Variants in SRBD1 observed in about 807,000 individuals in gnomAD.
SRBD1 encodes S1 RNA-binding domain-containing protein 1.
In SRBD1, 88 loss-of-function variants were observed where a neutral mutation model predicts 115.3. The observed-to-expected ratio is 0.76, with a 90% CI of 0.64 to 0.91. The LOEUF is 0.91. SRBD1 is among the 40% of genes least tolerant of loss of function. The probability of loss-of-function intolerance (pLI) is 0.00; values close to 1 mark genes in which losing one functional copy is unlikely to be tolerated. For missense variants in SRBD1, 1,385 were observed against 1,177.4 expected (o/e 1.18, Z -2.58); for synonymous variants, 509 against 407.7 (o/e 1.25, Z -2.99).
chr2:45,395,357 C>T (rs1210991418), intron 19 of SRBD1, among the ~76,000 whole-genome samples: 2 of 152,126 alleles, frequency 1.3e-5, no homozygotes, highest in Non-Finnish European at 2.9e-5. Flanking sequence ...GTTGCTTGCA[C>T]ATGTGTATGT....
In SRBD1 at chr2:45,573,187, C is replaced by T. The variant is rs747264125; in HGVS notation, c.1305+20G>A. 2.5e-6 allele frequency: 4 copies of T among 1,583,510 alleles called. No homozygotes were observed. In the Admixed American group the frequency reaches 5.5e-5, roughly 22 times the overall value. Reference sequence around the variant, plus strand: ...ATCATTATTACGAAATCAGCATGCACATGCAGTTTCTTTATTTACCTGATG... The same window carrying T: ...ATCATTATTACGAAATCAGCATGCATATGCAGTTTCTTTATTTACCTGATG... On this transcript the variant is annotated intron_variant, in intron 9 of 20. Transcript: ENST00000263736.
chr2:45,543,476 G>A (rs963138689), intron 14 of SRBD1, among the ~76,000 whole-genome samples: 8 of 152,208 alleles, frequency 5.3e-5, no homozygotes, highest in African/African-American at 1.9e-4. Context: ...GGTAGATATG[G>A]CTGGAAAAGG....
At chr2:45,408,692 G>T (rs1667506947) in intron 19 of SRBD1, among the ~76,000 whole-genome samples, 1 of 152,102 alleles carries the variant, frequency 6.6e-6, no homozygotes, top group Admixed American at 6.6e-5. Context: ...AGACTTTTAA[G>T]CCCTTTGGTA....
rs958318638 is a variant in SRBD1, at chr2:45,451,396, A to G, written c.2049+25597T>C. On this transcript the variant is annotated intron_variant, in intron 16 of 20. Transcript: ENST00000263736. ...ACCAAAGGTAATAAAAATACTGTGCATTAATATTGCACCTTTCTTCCAAGA... is the reference window on the plus strand; with the variant it reads ...ACCAAAGGTAATAAAAATACTGTGCGTTAATATTGCACCTTTCTTCCAAGA... 1.2e-4 allele frequency among the ~76,000 whole-genome samples: 18 copies of G among 152,096 alleles called. 1 individual carries two copies. The highest frequency in any genetic ancestry group is 2.2e-4 in the Non-Finnish European group (15 of 67,968).
intron 4 of SRBD1, among the ~76,000 whole-genome samples, chr2:45,590,594 G>A (rs1673689835): frequency 6.6e-6 from 1 of 152,162 alleles, no homozygotes; most frequent in African/African-American, 2.4e-5. Context: ...GGTTTTGTAA[G>A]TGTCTGGCAT....
chr2:45,554,123 A>G (rs758932908), intron 10 of SRBD1, among the ~76,000 whole-genome samples: 3 of 152,146 alleles, frequency 2.0e-5, no homozygotes, highest in Non-Finnish European at 4.4e-5. Flanking sequence ...GGGGATAATC[A>G]GGTTTAGATG....
intron 14 of SRBD1, among the ~76,000 whole-genome samples, chr2:45,506,276 G>C (rs1201148495): frequency 6.6e-6 from 1 of 152,028 alleles, no homozygotes; most frequent in African/African-American, 2.4e-5. Context: ...TTCTCTATTG[G>C]AATACACAAA....
In SRBD1 at chr2:45,551,823, G is replaced by C. The variant is rs911405002; in HGVS notation, c.1518-541C>G. On this transcript the variant is annotated intron_variant, in intron 11 of 20. Transcript: ENST00000263736. ...TCAAGAGCTTGGATTCTATCCTGGA[G>C]ACAAACAAGATCAGCTGAAAGAAGT... Among the ~76,000 whole-genome samples, 3 of 152,140 alleles carry C rather than the reference G, an allele frequency of 2.0e-5. No homozygotes were observed. The East Asian group carries it at 5.8e-4, about 29-fold the overall frequency.
rs1674035686 is a variant in SRBD1, at chr2:45,599,809, A to G, written c.288T>C (p.Thr96=). Reference sequence around the variant, plus strand: ...ATTTATTTTTTCTGTCTTCTAAAGCAGTATCAGCAATAGCCACAGAGCTAT... The same window carrying G: ...ATTTATTTTTTCTGTCTTCTAAAGCGGTATCAGCAATAGCCACAGAGCTAT... ...ELNSSVAIAD[T]ALEDRKNKLD... The change falls in exon 4 of 21, where the codon ACT becomes ACC. Residue 96 remains threonine, a synonymous_variant. Transcript: ENST00000263736. The G allele has an allele frequency of 1.2e-6, 2 of 1,613,194 alleles. No homozygotes were observed. Among genetic ancestry groups the G allele is most frequent in the Admixed American group, 1.7e-5 (1 of 59,844 alleles).
chr2:45,423,125 C>T (rs1446086417), intron 16 of SRBD1, among the ~76,000 whole-genome samples: 1 of 151,884 alleles, frequency 6.6e-6, no homozygotes, highest in Non-Finnish European at 1.5e-5. Context: ...AATGACGGAC[C>T]CCAGATGTGT....
At chr2:45,426,591 T>C (rs1412374728) in intron 16 of SRBD1, among the ~76,000 whole-genome samples, 1 of 152,066 alleles carries the variant, frequency 6.6e-6, no homozygotes, top group Non-Finnish European at 1.5e-5. Flanking sequence ...AGACATCTCA[T>C]ACAGGAGAGC....
At chr2:45,462,630 GGT>G (rs1669351261) in intron 16 of SRBD1, among the ~76,000 whole-genome samples, 1 of 151,100 alleles carries the variant, frequency 6.6e-6, no homozygotes, top group African/African-American at 2.4e-5. Flanking sequence ...TGGCCAACAT[GGT>G]GAAACCCCGT....
intron 16 of SRBD1, among the ~76,000 whole-genome samples, chr2:45,445,837 A>G (rs554828460): frequency 6.6e-6 from 1 of 152,342 alleles, no homozygotes; most frequent in East Asian, 1.9e-4. Flanking sequence ...AGTAAAGTTC[A>G]ACAAAAATGG....
intron 19 of SRBD1, among the ~76,000 whole-genome samples, chr2:45,403,733 T>C (rs1667351360): frequency 6.6e-6 from 1 of 152,128 alleles, no homozygotes; most frequent in South Asian, 2.1e-4. Flanking sequence ...GAGCCTATTA[T>C]GAGTAAGTGG....
At chr2:45,418,850 C>T (rs925352045) in intron 17 of SRBD1, among the ~76,000 whole-genome samples, 5 of 152,058 alleles carry the variant, frequency 3.3e-5, no homozygotes, top group African/African-American at 9.7e-5. Context: ...ATTCACATTC[C>T]TTATGTTTCT....
At chr2:45,528,293 C>G (rs1371385446) in intron 14 of SRBD1, among the ~76,000 whole-genome samples, 1 of 151,744 alleles carries the variant, frequency 6.6e-6, no homozygotes, top group African/African-American at 2.4e-5. Flanking sequence ...TTGAGGCCAG[C>G]TCATGAAAGC....
chr2:45,510,158 G>A (rs1670923927), intron 14 of SRBD1, among the ~76,000 whole-genome samples: 1 of 152,258 alleles, frequency 6.6e-6, no homozygotes, highest in African/African-American at 2.4e-5. Context: ...ATGTTTATGT[G>A]TGTATATACT....
At chr2:45,392,921 T>C in intron 20 of SRBD1, 24 bp downstream of exon 20, 1 of 1,581,222 alleles carries the variant, frequency 6.3e-7, no homozygotes, top group Non-Finnish European at 8.6e-7. Flanking sequence ...TGCAAGGTGC[T>C]ATAATTCAAG....
intron 16 of SRBD1, among the ~76,000 whole-genome samples, chr2:45,455,765 A>C (rs1669132985): frequency 6.6e-6 from 1 of 151,860 alleles, no homozygotes; most frequent in African/African-American, 2.4e-5. Flanking sequence ...AAAAAATAAA[A>C]AATAAAAAAA....
Sources: gnomAD v4.1 joint callset for allele counts (sites outside exome capture counted in the v4.1 genomes callset) on GRCh38, gnomAD v4.1.1 for gene constraint, MANE v1.5 for transcripts, NCBI Gene and HGNC (gene_info 2026-07-23, HGNC 2026-07-21) for gene names.